The following SLIT3 variants were observed in gnomAD, a reference collection of about 807,000 sequenced individuals.
SLIT3 encodes slit guidance ligand 3, also known as slit homolog 3 protein.
In SLIT3, 68 loss-of-function variants were observed where a neutral mutation model predicts 184.0. The observed-to-expected ratio is 0.37, with a 90% CI of 0.30 to 0.45. The LOEUF is 0.45. Ranked by LOEUF, SLIT3 falls within the 20% of genes least tolerant of loss-of-function variation. The pLI, the probability that SLIT3 is intolerant of heterozygous loss-of-function variation, is 1.00. For synonymous variants in SLIT3, 831 were observed against 828.6 expected (o/e 1.00, Z -0.05); for missense variants, 1,707 against 2,026.0 (o/e 0.84, Z 3.02).
intron 35 of SLIT3, among the ~76,000 whole-genome samples, chr5:168,667,205 T>TCTCCAGTTTGCCCCAGTCA (rs1413707525): frequency 6.6e-6 from 1 of 152,166 alleles, no homozygotes; most frequent in Admixed American, 6.5e-5. Flanking sequence ...GGGCAGGCAA[T>TCTCCAGTTTGCCCCAGTCA]CTCCAGTTTG....
intron 4 of SLIT3, chr5:169,036,460 G>T (rs187212422): frequency 6.6e-6 from 1 of 152,258 alleles, no homozygotes; most frequent in Admixed American, 6.5e-5. Flanking sequence ...TGAATAAGGG[G>T]CATGAAATCG....
At chr5:168,767,003 C>T (rs1478476692) in intron 14 of SLIT3, among the ~76,000 whole-genome samples, 2 of 152,212 alleles carry the variant, frequency 1.3e-5, no homozygotes, top group Non-Finnish European at 2.9e-5. Flanking sequence ...CAGTACAGTG[C>T]AGCCATTCTG....
intron 4 of SLIT3, among the ~76,000 whole-genome samples, chr5:169,062,260 C>T (rs894166937): frequency 4.0e-4 from 61 of 152,204 alleles, no homozygotes; most frequent in African/African-American, 1.4e-3. Flanking sequence ...GTTAATTTGA[C>T]AGGCATTCAC....
chr5:168,830,602 A>T (rs1033432052), intron 6 of SLIT3, among the ~76,000 whole-genome samples: 2 of 152,204 alleles, frequency 1.3e-5, no homozygotes, highest in African/African-American at 4.8e-5. Flanking sequence ...ACTATTTATG[A>T]AGTGTTTACT....
At chr5:169,080,783 G>A (rs902180540) in intron 4 of SLIT3, among the ~76,000 whole-genome samples, 7 of 152,162 alleles carry the variant, frequency 4.6e-5, no homozygotes, top group African/African-American at 1.4e-4. Flanking sequence ...TTTCTGCACT[G>A]TAGTGCTTTT....
intron 4 of SLIT3, among the ~76,000 whole-genome samples, chr5:169,174,152 G>C (rs1013205852): frequency 1.3e-5 from 2 of 152,230 alleles, no homozygotes; most frequent in African/African-American, 2.4e-5. Flanking sequence ...ACAAGACCTA[G>C]TGGGCTCTGA....
At chr5:169,194,030 G>A (rs938230562) in intron 3 of SLIT3, among the ~76,000 whole-genome samples, 2 of 151,948 alleles carry the variant, frequency 1.3e-5, no homozygotes, top group South Asian at 2.1e-4. Flanking sequence ...TCAAGAGATC[G>A]AGACCATCAT....
At chr5:169,187,297 G>A (rs548206857) in intron 4 of SLIT3, among the ~76,000 whole-genome samples, 5 of 151,950 alleles carry the variant, frequency 3.3e-5, no homozygotes, top group East Asian at 1.9e-4. Context: ...GTTTTTAGTA[G>A]AGACAGGGTT....
intron 32 of SLIT3, among the ~76,000 whole-genome samples, chr5:168,674,109 C>G (rs1243939323): frequency 1.3e-5 from 2 of 152,146 alleles, no homozygotes; most frequent in Admixed American, 6.5e-5. Context: ...TTGCTATTGT[C>G]CCCCCTAAGG....
At chr5:168,968,979 G>A (rs370488768) in intron 4 of SLIT3, among the ~76,000 whole-genome samples, 78 of 152,308 alleles carry the variant, frequency 5.1e-4, no homozygotes, top group African/African-American at 1.8e-3. Flanking sequence ...AAGCCTATTT[G>A]TTGGTGATAG....
At chr5:168,989,588 TAA>T (rs1257765823) in intron 4 of SLIT3, among the ~76,000 whole-genome samples, 5 of 152,166 alleles carry the variant, frequency 3.3e-5, no homozygotes, top group Non-Finnish European at 5.9e-5. Context: ...AGTTGTATCC[TAA>T]AAGAGTGAGG....
intron 9 of SLIT3, among the ~76,000 whole-genome samples, chr5:168,802,558 C>T (rs1398486088): frequency 6.6e-6 from 1 of 152,188 alleles, no homozygotes; most frequent in African/African-American, 2.4e-5. Context: ...TATATGAATA[C>T]ATTTGCATGA....
intron 20 of SLIT3, among the ~76,000 whole-genome samples, chr5:168,744,506 G>A (rs1049994008): frequency 2.0e-5 from 3 of 152,198 alleles, no homozygotes; most frequent in Non-Finnish European, 4.4e-5. Flanking sequence ...ATAGAGAGGA[G>A]AAGTCAATGC....
At chr5:169,181,421 G>C (rs1763151968) in intron 4 of SLIT3, among the ~76,000 whole-genome samples, 1 of 152,042 alleles carries the variant, frequency 6.6e-6, no homozygotes, top group African/African-American at 2.4e-5. Flanking sequence ...TCTCTAGATT[G>C]CTACCACTGG....
At chr5:168,683,828 T>G in intron 32 of SLIT3, 138 bp downstream of exon 32, 2 of 715,264 alleles carry the variant, frequency 2.8e-6, no homozygotes, top group Non-Finnish European at 4.1e-6. Flanking sequence ...AGGAAGTGTG[T>G]GTGTGCGCAC....
At position 168,683,985 on chromosome 5, in the gene SLIT3, G is replaced by A. The variant is rs1333496476; in HGVS notation, c.3667C>T (p.Pro1223Ser). ...VRLVYDSLSS[P>S]PTTVYSVETV... Reference sequence around the variant, plus strand: ...CCTTACCTGTACACTGTGGTTGGAGGGGAACTCAGGCTGTCATAGACCAGC... The same window carrying A: ...CCTTACCTGTACACTGTGGTTGGAGAGGAACTCAGGCTGTCATAGACCAGC... The change falls in exon 32 of 36, where the codon CCT (proline) becomes TCT (serine). Residue 1223 changes from proline to serine, a missense_variant. By Grantham distance (74) the Pro-to-Ser change is moderately conservative. Transcript: ENST00000519560. 3 of 1,591,424 alleles carry A rather than the reference G, an allele frequency of 1.9e-6. No individual in the cohort carries two copies. The highest frequency in any genetic ancestry group is 2.3e-5 in the East Asian group (1 of 43,112).
At chr5:169,002,907 T>C (rs1755769532) in intron 4 of SLIT3, among the ~76,000 whole-genome samples, 1 of 152,222 alleles carries the variant, frequency 6.6e-6, no homozygotes, top group South Asian at 2.1e-4. Context: ...GGTATATTAG[T>C]TACATATAGG....
chr5:169,225,512 C>T (rs550180786), intron 3 of SLIT3, among the ~76,000 whole-genome samples: 1 of 152,278 alleles, frequency 6.6e-6, no homozygotes, highest in East Asian at 1.9e-4. Context: ...GTGCTTTGGC[C>T]ACACAAATAT....
At chr5:168,743,697 C>T (rs779525129) in intron 20 of SLIT3, among the ~76,000 whole-genome samples, 20 of 152,130 alleles carry the variant, frequency 1.3e-4, no homozygotes, top group African/African-American at 4.3e-4. Context: ...AAAACGAAGA[C>T]GGATCAAAGC....
Sources: allele counts gnomAD v4.1 joint callset (sites outside exome capture counted in the v4.1 genomes callset), GRCh38; gene constraint gnomAD v4.1.1; transcripts MANE v1.5; gene names NCBI Gene and HGNC (gene_info 2026-07-23, HGNC 2026-07-21).